Variants in DHRSX observed in about 807,000 individuals in gnomAD.
DHRSX encodes dehydrogenase/reductase X-linked.
In DHRSX, 31 loss-of-function variants were observed where a neutral mutation model predicts 34.0. The ratio of observed to expected loss-of-function variants is 0.91; its 90% CI spans 0.69 to 1.23. DHRSX has a LOEUF of 1.23. Among genes scored for constraint, DHRSX ranks in the 50% most tolerant of loss-of-function variants. DHRSX has a pLI of 0.00. For missense variants in DHRSX, 414 were observed against 428.1 expected (o/e 0.97, Z 0.29); for synonymous variants, 201 against 183.8 (o/e 1.09, Z -0.76).
intron 5 of DHRSX, among the ~76,000 whole-genome samples, chrX:2,256,291 C>T (rs1056010261): frequency 4.0e-5 from 6 of 150,790 alleles, no homozygotes; most frequent in African/African-American, 1.5e-4. Context: ...CTGTGCCTGC[C>T]CTTTTTTTTC....
At chrX:2,420,460 T>G (rs1289676237) in intron 2 of DHRSX, among the ~76,000 whole-genome samples, 2 of 149,206 alleles carry the variant, frequency 1.3e-5, no homozygotes, top group Admixed American at 1.3e-4. Context: ...ATAAAGAGAA[T>G]GGGGCCGGGC....
chrX:2,241,181 T>TCAAA (rs753511615), intron 6 of DHRSX, among the ~76,000 whole-genome samples: 38 of 152,126 alleles, frequency 2.5e-4, no homozygotes, highest in African/African-American at 8.7e-4. Context: ...AGACTCCATC[T>TCAAA]CAAACAAACA....
intron 1 of DHRSX, among the ~76,000 whole-genome samples, chrX:2,433,879 G>A (rs28607010): frequency 0.11 from 16,522 of 152,036 alleles, 1,769 homozygotes; most frequent in African/African-American, 0.28. Context: ...GGTTCACGCC[G>A]TTCTCTCACC....
intron 3 of DHRSX, among the ~76,000 whole-genome samples, chrX:2,356,150 C>G (rs1156627500): frequency 6.6e-6 from 1 of 151,220 alleles, no homozygotes; most frequent in African/African-American, 2.4e-5. Flanking sequence ...CCGAGGCAGG[C>G]AGATCAACTG....
intron 1 of DHRSX, among the ~76,000 whole-genome samples, chrX:2,483,233 G>T (rs746912939): frequency 3.2e-4 from 48 of 151,670 alleles, no homozygotes; most frequent in Non-Finnish European, 2.2e-4. Flanking sequence ...TCACACATGC[G>T]TGCCACCATG....
At chrX:2,466,825 G>A (rs1402758086) in intron 1 of DHRSX, among the ~76,000 whole-genome samples, 2 of 152,024 alleles carry the variant, frequency 1.3e-5, no homozygotes, top group Non-Finnish European at 1.5e-5. Flanking sequence ...CAGCCCTTTG[G>A]GAGGCCAAGG....
intron 5 of DHRSX, among the ~76,000 whole-genome samples, chrX:2,265,761 T>TAC (rs1467536913): frequency 1.0e-4 from 4 of 39,710 alleles, no homozygotes; most frequent in South Asian, 8.8e-4. Flanking sequence ...CACCAGTGCT[T>TAC]GGCAGACGCA....
chrX:2,316,119 C>T (rs1452047876), intron 3 of DHRSX, among the ~76,000 whole-genome samples: 2 of 152,080 alleles, frequency 1.3e-5, no homozygotes, highest in Non-Finnish European at 2.9e-5. Flanking sequence ...GCCTTGGCCT[C>T]CAAAAGTGCT....
intron 5 of DHRSX, among the ~76,000 whole-genome samples, chrX:2,249,191 CTTTTTT>C (rs541852639): frequency 8.4e-6 from 1 of 118,890 alleles, no homozygotes; most frequent in African/African-American, 3.3e-5. Flanking sequence ...AATCATAAAT[CTTTTTT>C]TTTTTTTTTT....
At chrX:2,435,813 C>A (rs763515427) in intron 1 of DHRSX, among the ~76,000 whole-genome samples, 1 of 152,068 alleles carries the variant, frequency 6.6e-6, no homozygotes, top group African/African-American at 2.4e-5. Flanking sequence ...TCTATGCTTA[C>A]GCCATATGAT....
chrX:2,282,581 A>AGAGAGAGAAGAAAGAGGG (rs773675436), intron 4 of DHRSX, among the ~76,000 whole-genome samples: 20,967 of 99,876 alleles, frequency 0.21, 4,051 homozygotes, highest in Non-Finnish European at 0.36. Context: ...ACAGAAAGGG[A>AGAGAGAGAAGAAAGAGGG]GAGAGAGAAG....
intron 1 of DHRSX, among the ~76,000 whole-genome samples, chrX:2,437,154 C>T (rs1265945551): frequency 6.6e-6 from 1 of 152,106 alleles, no homozygotes; most frequent in Non-Finnish European, 1.5e-5. Context: ...CCCGCCACCA[C>T]ACCTGACTAA....
chrX:2,463,344 G>A (rs2044429698), intron 1 of DHRSX, among the ~76,000 whole-genome samples: 1 of 152,086 alleles, frequency 6.6e-6, no homozygotes, highest in Non-Finnish European at 1.5e-5. Flanking sequence ...GTTGGATCAA[G>A]AATGAAAGGT....
intron 1 of DHRSX, among the ~76,000 whole-genome samples, chrX:2,446,851 C>G (rs1338987749): frequency 6.6e-6 from 1 of 151,946 alleles, no homozygotes; most frequent in Non-Finnish European, 1.5e-5. Flanking sequence ...GGAAGATGTT[C>G]CCAAAGAATG....
chrX:2,361,598 T>C (rs1484524320), intron 3 of DHRSX, among the ~76,000 whole-genome samples: 1 of 152,162 alleles, frequency 6.6e-6, no homozygotes, highest in Non-Finnish European at 1.5e-5. Flanking sequence ...TGGGGCAGAA[T>C]CTGCCCAAGT....
intron 3 of DHRSX, among the ~76,000 whole-genome samples, chrX:2,330,859 G>C (rs971994081): frequency 2.0e-5 from 3 of 152,082 alleles, no homozygotes; most frequent in Non-Finnish European, 2.9e-5. Context: ...TGTGAAAGAG[G>C]CCTCAGTAGA....
chrX:2,430,402 C>T (rs1328728135), intron 1 of DHRSX, among the ~76,000 whole-genome samples: 1 of 152,148 alleles, frequency 6.6e-6, no homozygotes. Flanking sequence ...CACAGACACC[C>T]CCGCACACAA....
At chrX:2,256,311 G>A (rs950117321) in intron 5 of DHRSX, among the ~76,000 whole-genome samples, 4 of 147,982 alleles carry the variant, frequency 2.7e-5, no homozygotes, top group African/African-American at 1.0e-4. Flanking sequence ...CTTTTTTTGA[G>A]AGGGAGTCTT....
chrX:2,341,683 A>T (rs2042642196), intron 3 of DHRSX, among the ~76,000 whole-genome samples: 1 of 74,758 alleles, frequency 1.3e-5, no homozygotes. Flanking sequence ...GTGGGGGTAA[A>T]ATAGAGGCAC....
Sources: gnomAD v4.1 joint callset for allele counts (sites outside exome capture counted in the v4.1 genomes callset) on GRCh38, gnomAD v4.1.1 for gene constraint, MANE v1.5 for transcripts, NCBI Gene and HGNC (gene_info 2026-07-23, HGNC 2026-07-21) for gene names.